Variants in FAT3 observed in about 807,000 individuals in gnomAD.
FAT3 encodes FAT atypical cadherin 3, also known as protocadherin Fat 3.
Under a neutral mutation model 310.2 loss-of-function variants are expected in FAT3, and 95 were observed. The ratio of observed to expected loss-of-function variants is 0.31; its 90% confidence interval spans 0.26 to 0.36. The LOEUF (loss-of-function observed/expected upper bound fraction) is 0.36. Among genes scored for constraint, FAT3 ranks in the 10% least tolerant of loss-of-function variants. The probability of loss-of-function intolerance (pLI) is 1.00; values close to 1 mark genes in which losing one functional copy is unlikely to be tolerated. For missense variants in FAT3, 5,408 were observed against 5,715.6 expected, an observed-to-expected ratio of 0.95 and a Z score of 1.74; for synonymous variants, 2,314 against 2,192.9, an observed-to-expected ratio of 1.06 and a Z score of -1.54.
chr11:92,879,813 A>G (rs888026076), intron 22 of FAT3, among the ~76,000 whole-genome samples: 1 of 152,190 alleles, frequency 6.6e-6, no homozygotes, highest in Non-Finnish European at 1.5e-5. Context: ...GGAAATATTG[A>G]AATACCAAAA....
chr11:92,628,171 A>G (rs1941406325), intron 3 of FAT3, among the ~76,000 whole-genome samples: 1 of 152,236 alleles, frequency 6.6e-6, no homozygotes, highest in Admixed American at 6.5e-5. Context: ...GCACATGTGC[A>G]CTGACCCTTT....
At chr11:92,830,041 C>G (rs1465082734) in intron 13 of FAT3, among the ~76,000 whole-genome samples, 2 of 152,026 alleles carry the variant, frequency 1.3e-5, no homozygotes, top group Non-Finnish European at 2.9e-5. Flanking sequence ...AGCTTATATT[C>G]TATGGTTCCA....
intron 3 of FAT3, among the ~76,000 whole-genome samples, chr11:92,694,086 A>G (rs1414058246): frequency 6.6e-6 from 1 of 152,204 alleles, no homozygotes; most frequent in African/African-American, 2.4e-5. Flanking sequence ...AACTTCACCT[A>G]TTCAAAGGAT....
intron 3 of FAT3, among the ~76,000 whole-genome samples, chr11:92,626,363 G>T (rs1458491556): frequency 6.6e-6 from 1 of 152,104 alleles, no homozygotes; most frequent in Non-Finnish European, 1.5e-5. Context: ...GGACTTTTTA[G>T]GTGAGAGAGA....
At chr11:92,486,145 TTTTTTTTTTTTTTGGTAGA>T (rs1952388678) in intron 2 of FAT3, among the ~76,000 whole-genome samples, 1 of 140,338 alleles carries the variant, frequency 7.1e-6, no homozygotes, top group African/African-American at 2.6e-5. Context: ...TTTTTTTTTT[TTTTTTTTTTTTTTGGTAGA>T]CTCATCTTTG....
chr11:92,618,219 T>G (rs510637), intron 3 of FAT3, among the ~76,000 whole-genome samples: 1 of 152,014 alleles, frequency 6.6e-6, no homozygotes, highest in Non-Finnish European at 1.5e-5. Context: ...CCTTGCAGTT[T>G]GATCTCAGAC....
intron 3 of FAT3, among the ~76,000 whole-genome samples, chr11:92,634,631 G>A (rs1941687502): frequency 1.3e-5 from 2 of 152,184 alleles, no homozygotes; most frequent in African/African-American, 4.8e-5. Context: ...CTCTGCAGGA[G>A]TTCCTCAGCT....
chr11:92,618,562 G>A (rs373974270), intron 3 of FAT3, among the ~76,000 whole-genome samples: 20 of 152,174 alleles, frequency 1.3e-4, no homozygotes, highest in African/African-American at 2.2e-4. Flanking sequence ...CGTGACTCAC[G>A]CTTGGAGCTG....
intron 4 of FAT3, among the ~76,000 whole-genome samples, chr11:92,729,363 ATC>A (rs1945099541): frequency 6.6e-6 from 1 of 152,012 alleles, no homozygotes; most frequent in Non-Finnish European, 1.5e-5. Flanking sequence ...AGGGAGACAC[ATC>A]TCTCACGTGT....
intron 7 of FAT3, among the ~76,000 whole-genome samples, chr11:92,777,213 A>T (rs1364303618): frequency 2.6e-5 from 4 of 152,168 alleles, no homozygotes; most frequent in Non-Finnish European, 5.9e-5. Flanking sequence ...TGCTTTGTTC[A>T]TTTGGAATCA....
At position 92,798,572 on chromosome 11, in the gene FAT3, G is replaced by A. The variant is rs1030736548; in HGVS notation, c.5559G>A (p.Val1853=). The change falls in exon 10 of 28, where the codon GTG becomes GTA. Residue 1853 remains valine (V), a synonymous_variant. Transcript: ENST00000525166. The part of the protein sequence containing the change: ...TIAHFHFHVH[V]RDSGSPQLTA... ...CCCATTTCCATTTTCATGTGCATGT[G>A]AGAGACAGTGGTAGCCCCCAACTGA... The A allele has an allele frequency of 1.4e-5, 23 of 1,613,652 alleles. No homozygotes were observed. The highest frequency in any genetic ancestry group is 1.9e-5 in the Non-Finnish European group (22 of 1,179,772).
intron 2 of FAT3, among the ~76,000 whole-genome samples, chr11:92,374,059 A>AGAGAGAGAGAGAGAGAGAGAG (rs1555026645): frequency 1.1e-5 from 1 of 89,742 alleles, no homozygotes; most frequent in African/African-American, 6.6e-5. Context: ...GAGAGAGAGA[A>AGAGAGAGAGAGAGAGAGAGAG]TTTGCTTTCC....
At chr11:92,511,283 G>A (rs1401166358) in intron 2 of FAT3, among the ~76,000 whole-genome samples, 1 of 152,088 alleles carries the variant, frequency 6.6e-6, no homozygotes, top group African/African-American at 2.4e-5. Context: ...CTTCATATGC[G>A]TTAAAGAAGT....
At chr11:92,713,547 T>A (rs1208012063) in intron 4 of FAT3, among the ~76,000 whole-genome samples, 1 of 152,218 alleles carries the variant, frequency 6.6e-6, no homozygotes, top group Non-Finnish European at 1.5e-5. Context: ...ACATGCATAT[T>A]GGTTCTTACA....
intron 2 of FAT3, among the ~76,000 whole-genome samples, chr11:92,361,437 A>C (rs574786085): frequency 6.6e-6 from 1 of 151,786 alleles, no homozygotes. Context: ...GCTTTTGGGA[A>C]GGGATTGAAT....
intron 22 of FAT3, among the ~76,000 whole-genome samples, chr11:92,879,717 G>T (rs1437434252): frequency 1.3e-5 from 2 of 151,646 alleles, no homozygotes; most frequent in Non-Finnish European, 2.9e-5. Context: ...GAGGCTGAAG[G>T]TTTGAAATAA....
chr11:92,233,307 C>G (rs1179137213), intron 1 of FAT3, among the ~76,000 whole-genome samples: 1 of 152,146 alleles, frequency 6.6e-6, no homozygotes, highest in Non-Finnish European at 1.5e-5. Context: ...TAAGTCAGAG[C>G]TATTTAAAGT....
intron 3 of FAT3, among the ~76,000 whole-genome samples, chr11:92,571,660 G>C (rs529614013): frequency 6.6e-6 from 1 of 152,302 alleles, no homozygotes; most frequent in Admixed American, 6.5e-5. Context: ...GCATAGGTCT[G>C]GTAAGACTCG....
At chr11:92,276,637 C>A (rs562014692) in intron 1 of FAT3, among the ~76,000 whole-genome samples, 5 of 152,196 alleles carry the variant, frequency 3.3e-5, no homozygotes, top group African/African-American at 1.2e-4. Flanking sequence ...CTGGGTGCCT[C>A]AACGAGTATG....
Sources: gnomAD v4.1 joint callset for allele counts (sites outside exome capture counted in the v4.1 genomes callset) on GRCh38, gnomAD v4.1.1 for gene constraint, MANE v1.5 for transcripts, NCBI Gene and HGNC (gene_info 2026-07-23, HGNC 2026-07-21) for gene names.